Variants in RSPH14 observed in about 807,000 individuals in gnomAD.
RSPH14 encodes the protein radial spoke head 14 homolog.
A neutral mutation model predicts 26.7 loss-of-function variants in RSPH14; 20 were observed. That is an observed-to-expected ratio of 0.75 (90% CI 0.53 to 1.09). RSPH14 has a LOEUF of 1.09. Ranked by LOEUF, RSPH14 falls within the 50% of genes least tolerant of loss-of-function variation. The probability of loss-of-function intolerance (pLI) is 0.00; values close to 1 mark genes in which losing one functional copy is unlikely to be tolerated. For missense variants in RSPH14, 449 were observed against 457.2 expected (o/e 0.98, Z 0.16); for synonymous variants, 177 against 189.3 (o/e 0.93, Z 0.53).
chr22:23,100,533 C>A (rs762113387), intron 4 of RSPH14, among the ~76,000 whole-genome samples: 1 of 152,234 alleles, frequency 6.6e-6, no homozygotes, highest in Non-Finnish European at 1.5e-5. Context: ...AGCCTCCAGG[C>A]AGGTGGTCTA....
intron 4 of RSPH14, among the ~76,000 whole-genome samples, chr22:23,129,642 CT>C: frequency 6.6e-6 from 1 of 151,876 alleles, no homozygotes. Flanking sequence ...ACTGCTAAGG[CT>C]GGGCATGGTG....
chr22:23,130,083 G>GAAA lies in RSPH14; in HGVS notation c.421+3942_421+3943insTTT, dbSNP rs1569192455. On this transcript the variant is annotated intron_variant, in intron 4 of 6. Transcript: ENST00000216036. ...AAAAAGAAAGAAAGAAAGAAAGAAA[G>GAAA]GAAGAAAGAAAGAAAGAAAGAAAGA... Among the ~76,000 whole-genome samples, 75 of 29,142 alleles carry GAAA rather than the reference G, an allele frequency of 2.6e-3. 2 individuals carry two copies. The highest frequency in any genetic ancestry group is 0.042 in the Middle Eastern group (2 of 48). 19.1% of individuals were successfully genotyped at this position (29,142 alleles called of 152,430 possible).
intron 4 of RSPH14, among the ~76,000 whole-genome samples, chr22:23,130,520 G>GAAAGAAAGAAAGAAAGAA (rs2070337513): frequency 1.3e-5 from 2 of 150,574 alleles, no homozygotes; most frequent in African/African-American, 4.9e-5. Context: ...AAGAAAGAAA[G>GAAAGAAAGAAAGAAAGAA]AAAGAAAGAA....
the RSPH14 span, among the ~76,000 whole-genome samples, chr22:23,160,231 T>G: frequency 6.6e-6 from 1 of 152,314 alleles, no homozygotes; most frequent in East Asian, 1.9e-4. Flanking sequence ...CCACTGCTCC[T>G]TTCCAACAGT....
At chr22:23,108,890 C>T (rs1280539054) in intron 4 of RSPH14, among the ~76,000 whole-genome samples, 1 of 152,254 alleles carries the variant, frequency 6.6e-6, no homozygotes, top group Non-Finnish European at 1.5e-5. Context: ...CCATGCTCTT[C>T]TCTGTCCTTC....
chr22:23,063,628 C>T (rs777202988), intron 5 of RSPH14, among the ~76,000 whole-genome samples: 3 of 152,342 alleles, frequency 2.0e-5, no homozygotes, highest in South Asian at 2.1e-4. Context: ...ACCAGTGCAT[C>T]TCCTGTGCTG....
intron 4 of RSPH14, among the ~76,000 whole-genome samples, chr22:23,126,620 G>T (rs531410942): frequency 3.3e-5 from 5 of 152,356 alleles, no homozygotes; most frequent in African/African-American, 1.2e-4. Context: ...TGGAGAAGGC[G>T]CATGCTGAGC....
chr22:23,099,173 G>C (rs902400774), intron 4 of RSPH14, among the ~76,000 whole-genome samples: 1 of 152,242 alleles, frequency 6.6e-6, no homozygotes, highest in African/African-American at 2.4e-5. Flanking sequence ...TGGCTTCTGC[G>C]TCAGCACGTT....
At chr22:23,150,868 C>G in the RSPH14 span, among the ~76,000 whole-genome samples, 1 of 152,172 alleles carries the variant, frequency 6.6e-6, no homozygotes, top group Non-Finnish European at 1.5e-5. Context: ...TGCTCTTGTG[C>G]CCCCAAGAAC....
intron 4 of RSPH14, among the ~76,000 whole-genome samples, chr22:23,111,846 C>T (rs926012402): frequency 2.0e-5 from 3 of 152,194 alleles, no homozygotes; most frequent in South Asian, 2.1e-4. Context: ...CCTCAGATCC[C>T]GGTGGCAGTG....
chr22:23,091,177 C>T (rs1332382781), intron 4 of RSPH14, among the ~76,000 whole-genome samples: 1 of 152,236 alleles, frequency 6.6e-6, no homozygotes, highest in Non-Finnish European at 1.5e-5. Flanking sequence ...TGTACATGGA[C>T]CTGCTCACAG....
intron 4 of RSPH14, among the ~76,000 whole-genome samples, chr22:23,130,523 A>G (rs1481151338): frequency 6.6e-6 from 1 of 151,776 alleles, no homozygotes; most frequent in Non-Finnish European, 1.5e-5. Context: ...AAAGAAAGAA[A>G]GAAAGAAAGA....
chr22:23,061,252 C>T (rs890066039), intron 6 of RSPH14, among the ~76,000 whole-genome samples: 4 of 152,138 alleles, frequency 2.6e-5, no homozygotes, highest in East Asian at 1.9e-4. Context: ...GGGAGTGCCA[C>T]GCCCCAGTCT....
At chr22:23,152,402 A>T in the RSPH14 span, 17 of 1,551,718 alleles carry the variant, frequency 1.1e-5, no homozygotes, top group South Asian at 1.4e-4. Flanking sequence ...AGGGGCTGTG[A>T]GTGTCTGAAG....
the RSPH14 span, among the ~76,000 whole-genome samples, chr22:23,175,602 T>C: frequency 2.0e-5 from 3 of 152,250 alleles, no homozygotes; most frequent in Admixed American, 2.0e-4. Flanking sequence ...ATTACAGGCG[T>C]GAGCCATAGA....
chr22:23,176,120 T>TC, the RSPH14 span, among the ~76,000 whole-genome samples: 1 of 152,202 alleles, frequency 6.6e-6, no homozygotes, highest in African/African-American at 2.4e-5. Context: ...TGCAACAGGG[T>TC]CACCCTCTGC....
the RSPH14 span, among the ~76,000 whole-genome samples, chr22:23,175,741 C>A: frequency 1.3e-5 from 2 of 152,246 alleles, no homozygotes; most frequent in South Asian, 4.1e-4. Context: ...CAGAAGGCTC[C>A]TGGGGTAGCG....
the RSPH14 span, among the ~76,000 whole-genome samples, chr22:23,151,274 C>A: frequency 6.6e-6 from 1 of 152,220 alleles, no homozygotes; most frequent in Non-Finnish European, 1.5e-5. Context: ...CAGATGATCT[C>A]CCTGATCCCT....
chr22:23,139,486 T>A (rs948511907), intron 2 of RSPH14, among the ~76,000 whole-genome samples: 5 of 152,198 alleles, frequency 3.3e-5, no homozygotes, highest in Admixed American at 3.3e-4. Flanking sequence ...CCAGGCATGA[T>A]GGCAGGTGCC....
Sources: allele counts gnomAD v4.1 joint callset (sites outside exome capture counted in the v4.1 genomes callset), GRCh38; gene constraint gnomAD v4.1.1; transcripts MANE v1.5; gene names NCBI Gene and HGNC (gene_info 2026-07-23, HGNC 2026-07-21).